Variants in CLEC2D observed in about 807,000 individuals in gnomAD.
The protein encoded by CLEC2D is C-type lectin domain family 2 member D.
Under a neutral mutation model 20.0 loss-of-function variants are expected in CLEC2D, and 16 were observed. That is an observed-to-expected ratio of 0.80 (90% CI 0.54 to 1.22). CLEC2D has a LOEUF of 1.22. Ranked by LOEUF, CLEC2D falls within the 50% of genes most tolerant of loss-of-function variation. CLEC2D has a pLI of 0.00. For synonymous variants in CLEC2D, 77 were observed against 71.1 expected (o/e 1.08, Z -0.42); for missense variants, 207 against 221.5 (o/e 0.93, Z 0.42).
At chr12:9,671,198 C>T (rs1291698958) in intron 1 of CLEC2D, among the ~76,000 whole-genome samples, 1 of 152,112 alleles carries the variant, frequency 6.6e-6, no homozygotes, top group African/African-American at 2.4e-5. Flanking sequence ...AGCTACAGCT[C>T]AACTGAATGG....
rs774535010 is a variant in CLEC2D at position 9,697,508 on chromosome 12, AC to A, written c.*2638del. 1.3e-4 allele frequency: 20 copies of A among 151,018 alleles called. No homozygotes were observed. The highest frequency in any genetic ancestry group is 4.7e-4 in the African/African-American group (19 of 40,650). 9.4% of individuals were successfully genotyped at this position (151,018 alleles called of 1,614,324 possible). A position where few individuals can be genotyped will look rare whatever the true frequency, so the allele number is the denominator to read the frequency against. On this transcript the variant is annotated 3_prime_UTR_variant, in exon 5 of 5. Transcript: ENST00000290855. ...GGCTCTCAGCTCTGAAGGCTGTGAG[AC>A]CCCTGATTTCCCACTTCACACCTCT...
intron 4 of CLEC2D, among the ~76,000 whole-genome samples, chr12:9,694,302 A>G (rs1406114297): frequency 1.3e-5 from 2 of 152,184 alleles, no homozygotes; most frequent in Non-Finnish European, 2.9e-5. Flanking sequence ...ATGCTGACCT[A>G]AAATATCTGT....
rs768032874 is a variant in CLEC2D at position 9,693,095 on chromosome 12, A to G, written c.461+164A>G. 8.7e-6 allele frequency: 14 copies of G among 1,613,696 alleles called. 1 individual carries two copies. The South Asian group carries it at 1.4e-4, about 16-fold the overall frequency. On this transcript the variant is annotated intron_variant, in intron 4 of 4. Transcript: ENST00000290855. ...TGCAAAGGTTTCACAAGTTCCTCGA[A>G]TGAATCCAAGACCTGTCATGGTGAG...
intron 4 of CLEC2D, chr12:9,693,475 T>C (rs962739333): frequency 5.5e-6 from 1 of 182,994 alleles, no homozygotes; most frequent in South Asian, 1.2e-4. Context: ...TCACACAATT[T>C]CACTCAATGT....
chr12:9,690,323 G>A (rs1865836801), intron 3 of CLEC2D, among the ~76,000 whole-genome samples: 1 of 152,038 alleles, frequency 6.6e-6, no homozygotes, highest in African/African-American at 2.4e-5. Flanking sequence ...ATAATTAAGG[G>A]ATTTTATTAC....
At chr12:9,681,394 C>G (rs1372010738) in intron 2 of CLEC2D, among the ~76,000 whole-genome samples, 1 of 152,112 alleles carries the variant, frequency 6.6e-6, no homozygotes, top group East Asian at 1.9e-4. Flanking sequence ...AATAGCAAAA[C>G]AGATGGTTTA....
chr12:9,687,237 T>C (rs1865768425), intron 2 of CLEC2D, among the ~76,000 whole-genome samples: 1 of 152,222 alleles, frequency 6.6e-6, no homozygotes, highest in Admixed American at 6.5e-5. Flanking sequence ...GTACCATCTG[T>C]GAGTGATGGG....
Position 9,695,827 on chromosome 12 carries a change from C to A in CLEC2D, c.*953C>A. The A allele has an allele frequency of 8.7e-7, 1 of 1,155,728 alleles. No individual in the cohort carries two copies. Among genetic ancestry groups the A allele is most frequent in the Non-Finnish European group, 1.3e-6 (1 of 781,376 alleles). 71.6% of individuals were successfully genotyped at this position (1,155,728 alleles called of 1,614,324 possible). ...AAAGCAGTCTGCCCCTGGAGGTGGG[C>A]AGAAAAAAGTAAAACTTGCTGCTGC... On this transcript the variant is annotated 3_prime_UTR_variant, in exon 5 of 5. Coordinates refer to ENST00000290855, the MANE Select transcript of CLEC2D (RefSeq NM_013269.6).
In CLEC2D at chr12:9,696,960, CTGAAG is replaced by C. The variant is rs1213546684; in HGVS notation, c.*2090_*2094del. 1 of 151,984 alleles carries C rather than the reference CTGAAG, an allele frequency of 6.6e-6. No individual in the cohort carries two copies. The highest frequency in any genetic ancestry group is 1.5e-5 in the Non-Finnish European group (1 of 68,008). The allele number at this position is 151,984 out of a possible 1,614,324, so 9.4% of individuals were successfully genotyped here. On this transcript the variant is annotated 3_prime_UTR_variant, in exon 5 of 5. Transcript: ENST00000290855. The stretch of plus-strand genomic sequence containing the variant: ...CATAATAGCCAAGATACGGAACTAA[CTGAAG>C]TGACCATTAACAGATGAATGGATAA...
chr12:9,688,190 A>ATT (rs71045286), intron 3 of CLEC2D, 104 bp downstream of exon 3: 16,658 of 770,516 alleles, frequency 0.022, 58 homozygotes, highest in African/African-American at 0.047. Context: ...TTTTACATTG[A>ATT]TTTTTTTTTT....
chr12:9,687,865 G>T, intron 2 of CLEC2D, 37 bp from the exon 3 acceptor site: 1 of 1,319,888 alleles, frequency 7.6e-7, no homozygotes, highest in Non-Finnish European at 1.0e-6. Context: ...ATAAAAGTAA[G>T]AAATTTTTAT....
intron 4 of CLEC2D, chr12:9,693,800 T>C (rs1319260274): frequency 2.2e-6 from 1 of 449,006 alleles, no homozygotes. Context: ...CTTAAAATGG[T>C]TTTTTGTTTG....
rs1050708549 is a variant in CLEC2D, at chr12:9,687,761, C to T, written c.173-141C>T. ...TAATGTATGCAATTATATTTAGCATCATATTTCTCACTTGAAAAATGAAAA... is the reference window on the plus strand; with the variant it reads ...TAATGTATGCAATTATATTTAGCATTATATTTCTCACTTGAAAAATGAAAA... On this transcript the variant is annotated intron_variant, in intron 2 of 4. Transcript: ENST00000290855. 8.5e-6 allele frequency: 4 copies of T among 472,066 alleles called. No individual in the cohort carries two copies. In the South Asian group the frequency reaches 2.2e-4, roughly 25 times the overall value. 29.2% of individuals were successfully genotyped at this position (472,066 alleles called of 1,614,324 possible).
chr12:9,696,054 A>C lies in CLEC2D; in HGVS notation c.*1180A>C. ...TCAAAAAACAGGAAAAATCTCCTAA[A>C]ACACCAAAAGGATCTAGTTCTGTAG... On this transcript the variant is annotated 3_prime_UTR_variant, in exon 5 of 5. Transcript: ENST00000290855. 1 of 1,269,520 alleles carries C rather than the reference A, an allele frequency of 7.9e-7. No individual in the cohort carries two copies. Among genetic ancestry groups the C allele is most frequent in the Non-Finnish European group, 1.1e-6 (1 of 880,576 alleles). 78.6% of individuals were successfully genotyped at this position (1,269,520 alleles called of 1,614,324 possible). A position where few individuals can be genotyped will look rare whatever the true frequency, so the allele number is the denominator to read the frequency against.
rs1053080660 is a variant in CLEC2D, at chr12:9,681,134, A to G, written c.172+101A>G. ...TGTTATTCTTTACAGCTTTTAATAT[A>G]TTGTCTCACTAACTGAGTTACACTC... On this transcript the variant is annotated intron_variant, in intron 2 of 4. Transcript: ENST00000290855. The G allele has an allele frequency of 9.0e-6, 6 of 668,758 alleles. No homozygotes were observed. In the African/African-American group the frequency reaches 1.1e-4, roughly 12 times the overall value. The allele number at this position is 668,758 out of a possible 1,614,324, so 41.4% of individuals were successfully genotyped here. A position where few individuals can be genotyped will look rare whatever the true frequency, so the allele number is the denominator to read the frequency against.
Position 9,696,106 on chromosome 12 carries a change from A to T in CLEC2D, c.*1232A>T. Reference sequence around the variant, plus strand: ...AGACATTAAAGCAAAAATGCAAGCAAGTATAGAAAAACGTGGTTCTCTTCC... The same window carrying T: ...AGACATTAAAGCAAAAATGCAAGCATGTATAGAAAAACGTGGTTCTCTTCC... On this transcript the variant is annotated 3_prime_UTR_variant, in exon 5 of 5. Coordinates refer to ENST00000290855, the MANE Select transcript of CLEC2D (RefSeq NM_013269.6). 1 of 1,068,650 alleles carries T rather than the reference A, an allele frequency of 9.4e-7. No homozygotes were observed. The highest frequency in any genetic ancestry group is 1.5e-5 in the African/African-American group (1 of 65,048). 66.2% of individuals were successfully genotyped at this position (1,068,650 alleles called of 1,614,324 possible).
chr12:9,695,108 T>C lies in CLEC2D; in HGVS notation c.*234T>C. 1 of 574,160 alleles carries C rather than the reference T, an allele frequency of 1.7e-6. No homozygotes were observed. Among genetic ancestry groups the C allele is most frequent in the Non-Finnish European group, 3.1e-6 (1 of 322,228 alleles). 35.6% of individuals were successfully genotyped at this position (574,160 alleles called of 1,614,324 possible). On this transcript the variant is annotated 3_prime_UTR_variant, in exon 5 of 5. Transcript: ENST00000290855. ...GACATACCCGAGACTGAGTAATTTA[T>C]AAATAAAAGAGATTTAATTGACTCA...
At chr12:9,674,024 T>C (rs1333669449) in intron 1 of CLEC2D, 1 of 152,410 alleles carries the variant, frequency 6.6e-6, no homozygotes, top group Non-Finnish European at 1.5e-5. Flanking sequence ...CAGGGATCCA[T>C]GGGAGTAGAA....
intron 3 of CLEC2D, among the ~76,000 whole-genome samples, chr12:9,689,406 A>G (rs1288614083): frequency 1.3e-5 from 2 of 152,202 alleles, no homozygotes; most frequent in East Asian, 3.8e-4. Flanking sequence ...TTACCACAAC[A>G]TAGTATTCAT....
Sources: allele counts gnomAD v4.1 joint callset (sites outside exome capture counted in the v4.1 genomes callset), GRCh38; gene constraint gnomAD v4.1.1; transcripts MANE v1.5; gene names NCBI Gene and HGNC (gene_info 2026-07-23, HGNC 2026-07-21).